The following KRT80 variants were observed in gnomAD, a reference collection of about 807,000 sequenced individuals.
KRT80 encodes keratin 80, also known as keratin, type II cytoskeletal 80.
In KRT80, 36 loss-of-function variants were observed where a neutral mutation model predicts 51.5. That is an observed-to-expected ratio of 0.70 (90% CI 0.54 to 0.92). KRT80 has a LOEUF of 0.92. Ranked by LOEUF, KRT80 falls within the 40% of genes least tolerant of loss-of-function variation. KRT80 has a pLI of 0.00. For synonymous variants in KRT80, 235 were observed against 248.3 expected (o/e 0.95, Z 0.50); for missense variants, 566 against 591.7 (o/e 0.96, Z 0.45).
At chr12:52,179,296 G>C (rs1455209429) in intron 4 of KRT80, among the ~76,000 whole-genome samples, 1 of 152,208 alleles carries the variant, frequency 6.6e-6, no homozygotes, top group African/African-American at 2.4e-5. Context: ...AGTGAGTTTG[G>C]GCAGAGAAGC....
chr12:52,187,440 C>T (rs1047182288), intron 1 of KRT80, among the ~76,000 whole-genome samples: 3 of 152,210 alleles, frequency 2.0e-5, no homozygotes, highest in Non-Finnish European at 4.4e-5. Context: ...CATCTGATGG[C>T]CACTGCCCTC....
At chr12:52,172,983 C>A in intron 6 of KRT80, 55 bp downstream of exon 6, 1 of 1,567,172 alleles carries the variant, frequency 6.4e-7, no homozygotes. Context: ...GCACACATGA[C>A]TGTGTGTCTC....
intron 1 of KRT80, among the ~76,000 whole-genome samples, chr12:52,188,501 G>A (rs1417452071): frequency 2.6e-5 from 4 of 152,364 alleles, no homozygotes; most frequent in East Asian, 1.9e-4. Flanking sequence ...CACAGGTAGT[G>A]TTCCTTAGCG....
chr12:52,173,734 C>G lies in KRT80; in HGVS notation c.697G>C (p.Asp233His), dbSNP rs1565692385. ...TCCATGCCGACGGTCACCGACACAT[C>G]CTTCACCTGTGCTGCCAGGTCCTTC... ...ELKDLAAQVK[D>H]VSVTVGMDSR... Residue 233 changes from aspartate (D) to histidine (H), a missense_variant, in exon 5 of 9, where the codon GAT becomes CAT. Transcript: ENST00000394815. The G allele has an allele frequency of 6.2e-7, 1 of 1,612,058 alleles. No homozygotes were observed. The highest frequency in any genetic ancestry group is 8.5e-7 in the Non-Finnish European group (1 of 1,180,010).
chr12:52,175,688 A>T (rs1056659625), intron 4 of KRT80, among the ~76,000 whole-genome samples: 1 of 152,086 alleles, frequency 6.6e-6, no homozygotes, highest in African/African-American at 2.4e-5. Flanking sequence ...TGGAGCTGGC[A>T]GGACCCTGAA....
At position 52,191,934 on chromosome 12, in the gene KRT80, G is replaced by T. The variant is rs752406283; in HGVS notation, c.-32C>A. ...CCCGGCCGGAAGCAGGAGGGCCCAGGGGGGTGAGCGAGTGAGCCTGGGGTT... is the reference window on the plus strand; with the variant it reads ...CCCGGCCGGAAGCAGGAGGGCCCAGTGGGGTGAGCGAGTGAGCCTGGGGTT... On this transcript the variant is annotated 5_prime_UTR_variant, in exon 1 of 9. Transcript: ENST00000394815. The T allele has an allele frequency of 9.2e-5, 132 of 1,439,800 alleles. No homozygotes were observed. The highest frequency in any genetic ancestry group is 1.4e-5 in the African/African-American group (1 of 69,814). The allele number at this position is 1,439,800 out of a possible 1,614,324, so 89.2% of individuals were successfully genotyped here.
chr12:52,171,337 G>T lies in KRT80; in HGVS notation c.*61C>A. On this transcript the variant is annotated 3_prime_UTR_variant, in exon 9 of 9. Transcript: ENST00000394815. ...TAGAGGCTCCAAGCTGCTTTCTTGA[G>T]TCTAGCTTAAGTCCCTCCTGCTGCA... 6.7e-7 allele frequency: 1 copy of T among 1,490,752 alleles called. No homozygotes were observed. Among genetic ancestry groups the T allele is most frequent in the Non-Finnish European group, 9.0e-7 (1 of 1,109,718 alleles). 92.3% of individuals were successfully genotyped at this position (1,490,752 alleles called of 1,614,324 possible).
chr12:52,191,962 G>A lies in KRT80; in HGVS notation c.-60C>T, dbSNP rs1047752889. On this transcript the variant is annotated 5_prime_UTR_variant, in exon 1 of 9. It adds an upstream start codon to the 5' untranslated region. Coordinates refer to ENST00000394815, the MANE Select transcript of KRT80 (RefSeq NM_182507.3). The stretch of plus-strand genomic sequence containing the variant: ...GGTGAGCGAGTGAGCCTGGGGTTGC[G>A]TCGGGTGGCAGGCTCTGGTTGCTCT... 8.6e-6 allele frequency: 12 copies of A among 1,394,166 alleles called. No homozygotes were observed. The highest frequency in any genetic ancestry group is 6.0e-5 in the South Asian group (4 of 66,308). 86.4% of individuals were successfully genotyped at this position (1,394,166 alleles called of 1,614,324 possible).
intron 4 of KRT80, among the ~76,000 whole-genome samples, chr12:52,180,223 C>T (rs1299833078): frequency 6.6e-6 from 1 of 152,226 alleles, no homozygotes; most frequent in African/African-American, 2.4e-5. Context: ...TCCGAGGCAC[C>T]TGGTCCCCAG....
rs768179860 is a variant in KRT80 at position 52,191,732 on chromosome 12, C to T, written c.171G>A (p.Lys57=). Residue 57 remains lysine, a synonymous_variant, in exon 1 of 9, where the codon AAG becomes AAA. Coordinates refer to ENST00000394815, the MANE Select transcript of KRT80 (RefSeq NM_182507.3). ...TGCWSAGTIS[K]VTVNPGLLVP... is the part of the protein sequence containing the mutation. ...CCAGCAGGCCGGGGTTCACAGTCAC[C>T]TTGGAGATAGTGCCAGCCGACCAGC... The T allele has an allele frequency of 4.0e-5, 64 of 1,613,762 alleles. No individual in the cohort carries two copies. In the South Asian group the frequency reaches 6.7e-4, roughly 17 times the overall value.
At chr12:52,189,136 G>C (rs982790222) in intron 1 of KRT80, among the ~76,000 whole-genome samples, 2 of 152,096 alleles carry the variant, frequency 1.3e-5, no homozygotes, top group Non-Finnish European at 2.9e-5. Flanking sequence ...GTTCCTCAGA[G>C]GGCCCCCACC....
Position 52,180,512 on chromosome 12 carries a change from C to T in KRT80, c.666+1G>A. 6.9e-7 allele frequency: 1 copy of T among 1,447,982 alleles called. No individual in the cohort carries two copies. Among genetic ancestry groups the T allele is most frequent in the Non-Finnish European group, 9.1e-7 (1 of 1,098,992 alleles). 89.7% of individuals were successfully genotyped at this position (1,447,982 alleles called of 1,614,324 possible). A position where few individuals can be genotyped will look rare whatever the true frequency, so the allele number is the denominator to read the frequency against. ...CAAGACACTGGCCCCATCTCACTCA[C>T]CTGCTCATAGATGGTTTTCATCAAC... is the stretch of plus-strand genomic sequence containing the variant. On this transcript the variant is annotated splice_donor_variant, in intron 4 of 8. Coordinates refer to ENST00000394815, the MANE Select transcript of KRT80 (RefSeq NM_182507.3). LOFTEE classifies it high-confidence loss of function.
chr12:52,187,716 G>C (rs1941427062), intron 1 of KRT80, among the ~76,000 whole-genome samples: 1 of 152,172 alleles, frequency 6.6e-6, no homozygotes, highest in South Asian at 2.1e-4. Context: ...AGGTTCAGTA[G>C]GGATGGAGGT....
At position 52,180,542 on chromosome 12, in the gene KRT80, C is replaced by T. The variant is rs748380395; in HGVS notation, c.637G>A (p.Val213Met). 27 of 1,480,164 alleles carry T rather than the reference C, an allele frequency of 1.8e-5. No individual in the cohort carries two copies. The highest frequency in any genetic ancestry group is 4.2e-5 in the African/African-American group (3 of 70,988). 91.7% of individuals were successfully genotyped at this position (1,480,164 alleles called of 1,614,324 possible). A position where few individuals can be genotyped will look rare whatever the true frequency, so the allele number is the denominator to read the frequency against. ...TCATAGATGGTTTTCATCAACTCCA[C>T]GAAGCTCTCCAGGCTTTTTAACTTG... ...ETKLKSLESF[V>M]ELMKTIYEQE... Residue 213 changes from valine (V) to methionine (M), a missense_variant, in exon 4 of 9, where the codon GTG (valine) becomes ATG (methionine). Coordinates refer to ENST00000394815, the MANE Select transcript of KRT80 (RefSeq NM_182507.3).
At chr12:52,172,104 T>C in intron 7 of KRT80, 94 bp downstream of exon 7, 3 of 1,381,616 alleles carry the variant, frequency 2.2e-6, no homozygotes, top group Non-Finnish European at 3.0e-6. Context: ...GTAGGCTCAC[T>C]GTATCATATT....
At chr12:52,172,983 CTG>C (rs1941139237) in intron 6 of KRT80, 53 bp downstream of exon 6, 2 of 1,567,172 alleles carry the variant, frequency 1.3e-6, no homozygotes, top group Non-Finnish European at 8.7e-7. Flanking sequence ...GCACACATGA[CTG>C]TGTGTCTCCC....
Position 52,171,725 on chromosome 12 carries a change from GGACGGGGGGGTGGGA to G in KRT80, c.1179-27_1179-13del. On this transcript the variant is annotated splice_polypyrimidine_tract_variant and intron_variant, in intron 7 of 8. Transcript: ENST00000394815. ...AGGGCGAGTCCATCCTGGGGGTGGG[GGACGGGGGGGTGGGA>G]GAGGGATATGATGGGATGCGAAGAG... The G allele has an allele frequency of 7.6e-6, 11 of 1,449,506 alleles. No homozygotes were observed. Among genetic ancestry groups the G allele is most frequent in the African/African-American group, 1.4e-5 (1 of 71,146 alleles). 89.8% of individuals were successfully genotyped at this position (1,449,506 alleles called of 1,614,324 possible). A position where few individuals can be genotyped will look rare whatever the true frequency, so the allele number is the denominator to read the frequency against.
Position 52,191,031 on chromosome 12 carries a change from C to G in KRT80, c.300+572G>C, listed in dbSNP as rs1941472612. On this transcript the variant is annotated intron_variant, in intron 1 of 8. Transcript: ENST00000394815. The stretch of plus-strand genomic sequence containing the variant: ...CCCTGTTCTGACTCGAGGCATCGTC[C>G]CCTGCATTCCTATCTCCTGACACCT... 2.0e-5 allele frequency among the ~76,000 whole-genome samples: 3 copies of G among 152,100 alleles called. No individual in the cohort carries two copies. The South Asian group carries it at 6.2e-4, about 32-fold the overall frequency.
chr12:52,175,572 G>A (rs970373575), intron 4 of KRT80, among the ~76,000 whole-genome samples: 2 of 152,104 alleles, frequency 1.3e-5, no homozygotes, highest in African/African-American at 2.4e-5. Flanking sequence ...CCTGTGGGCA[G>A]CCTGTCCGGG....
Sources: allele counts gnomAD v4.1 joint callset (sites outside exome capture counted in the v4.1 genomes callset), GRCh38; gene constraint gnomAD v4.1.1; transcripts MANE v1.5; gene names NCBI Gene and HGNC (gene_info 2026-07-23, HGNC 2026-07-21).